The following FSTL5 variants were observed in gnomAD, a reference collection of about 807,000 sequenced individuals.
FSTL5 encodes follistatin like 5.
A neutral mutation model predicts 89.1 loss-of-function variants in FSTL5; 62 were observed. The ratio of observed to expected loss-of-function variants is 0.70; its 90% CI spans 0.57 to 0.86. The LOEUF (loss-of-function observed/expected upper bound fraction) is 0.86, where lower values mean the gene tolerates loss of function less well. Ranked by LOEUF, FSTL5 falls within the 40% of genes least tolerant of loss-of-function variation. The pLI is 0.00. For synonymous variants in FSTL5, 383 were observed against 346.2 expected (o/e 1.11, Z -1.18); for missense variants, 1,057 against 1,001.6 (o/e 1.06, Z -0.75).
intron 4 of FSTL5, among the ~76,000 whole-genome samples, chr4:161,824,655 C>A (rs946349235): frequency 1.3e-5 from 2 of 152,052 alleles, no homozygotes; most frequent in African/African-American, 2.4e-5. Context: ...TTTTCACCTC[C>A]TTGGTTAGGT....
chr4:161,397,918 A>G, intron 15 of FSTL5, among the ~76,000 whole-genome samples: 1 of 152,040 alleles, frequency 6.6e-6, no homozygotes, highest in African/African-American at 2.4e-5. Context: ...ACAATCTTAT[A>G]AATAATTAGA....
chr4:161,593,716 C>T (rs1002163332), intron 7 of FSTL5, among the ~76,000 whole-genome samples: 3 of 152,064 alleles, frequency 2.0e-5, no homozygotes, highest in Non-Finnish European at 4.4e-5. Flanking sequence ...ATCAATCATA[C>T]CACATTTCTA....
intron 4 of FSTL5, among the ~76,000 whole-genome samples, chr4:161,879,840 A>C (rs1275014333): frequency 6.6e-6 from 1 of 152,164 alleles, no homozygotes. Context: ...ACTTACCACT[A>C]TCCAGCATAT....
At chr4:161,584,461 T>C (rs768903056) in intron 8 of FSTL5, among the ~76,000 whole-genome samples, 3 of 152,230 alleles carry the variant, frequency 2.0e-5, no homozygotes, top group South Asian at 4.1e-4. Context: ...TATCTGCTTT[T>C]AATCTTTACT....
chr4:161,476,886 G>T (rs190649663), intron 13 of FSTL5, among the ~76,000 whole-genome samples: 1 of 152,238 alleles, frequency 6.6e-6, no homozygotes, highest in Admixed American at 6.5e-5. Flanking sequence ...TACCCCAAAT[G>T]TAAAGGACAG....
At chr4:161,843,841 C>T (rs894337785) in intron 4 of FSTL5, among the ~76,000 whole-genome samples, 3 of 151,964 alleles carry the variant, frequency 2.0e-5, no homozygotes, top group African/African-American at 7.3e-5. Flanking sequence ...ATAAAAAAAC[C>T]CTAGAAGAAA....
chr4:161,675,707 G>T (rs1193861088), intron 6 of FSTL5, among the ~76,000 whole-genome samples: 1 of 151,806 alleles, frequency 6.6e-6, no homozygotes, highest in Non-Finnish European at 1.5e-5. Context: ...TTACTAAGAA[G>T]TACTTCTGTA....
chr4:162,078,833 C>G (rs760264501), intron 2 of FSTL5, among the ~76,000 whole-genome samples: 1 of 151,698 alleles, frequency 6.6e-6, no homozygotes, highest in Non-Finnish European at 1.5e-5. Flanking sequence ...ATTCTCTGGA[C>G]TAACTCATGG....
At chr4:161,775,026 G>GT (rs1010441718) in intron 5 of FSTL5, among the ~76,000 whole-genome samples, 27 of 152,060 alleles carry the variant, frequency 1.8e-4, no homozygotes, top group Non-Finnish European at 4.4e-5. Flanking sequence ...TTGAGATAAA[G>GT]TTTTTAAATT....
intron 4 of FSTL5, among the ~76,000 whole-genome samples, chr4:161,824,450 C>T (rs1249740739): frequency 1.3e-5 from 2 of 152,012 alleles, no homozygotes; most frequent in Non-Finnish European, 2.9e-5. Context: ...TAATGTGATG[C>T]CTTCAGATTT....
intron 8 of FSTL5, among the ~76,000 whole-genome samples, chr4:161,570,847 G>T (rs1483974082): frequency 1.3e-5 from 2 of 152,132 alleles, no homozygotes; most frequent in African/African-American, 4.8e-5. Context: ...CGGGTGTGGT[G>T]GTTCACACCT....
chr4:162,116,765 G>A (rs1731658778), intron 1 of FSTL5, among the ~76,000 whole-genome samples: 1 of 152,160 alleles, frequency 6.6e-6, no homozygotes, highest in African/African-American at 2.4e-5. Flanking sequence ...TCACACAAGG[G>A]AGACATCGGT....
At chr4:161,690,043 A>G (rs920148608) in intron 6 of FSTL5, among the ~76,000 whole-genome samples, 2 of 152,024 alleles carry the variant, frequency 1.3e-5, no homozygotes, top group African/African-American at 4.8e-5. Context: ...TTTTCCATTT[A>G]TTGATGGGTG....
chr4:161,726,165 T>C (rs1739395929), intron 6 of FSTL5, among the ~76,000 whole-genome samples: 1 of 152,030 alleles, frequency 6.6e-6, no homozygotes, highest in Admixed American at 6.6e-5. Context: ...ATGAAACGTG[T>C]TGATGTGAGG....
At chr4:161,591,248 T>C (rs1334297612) in intron 7 of FSTL5, among the ~76,000 whole-genome samples, 1 of 152,148 alleles carries the variant, frequency 6.6e-6, no homozygotes, top group Non-Finnish European at 1.5e-5. Context: ...ATATGACATG[T>C]CCAGAATGAG....
intron 13 of FSTL5, among the ~76,000 whole-genome samples, chr4:161,473,980 T>C (rs1012173816): frequency 6.6e-6 from 1 of 152,192 alleles, no homozygotes; most frequent in African/African-American, 2.4e-5. Context: ...GGCACTTCCT[T>C]TTGTTATTTT....
At chr4:162,068,478 T>C (rs1415434856) in intron 2 of FSTL5, among the ~76,000 whole-genome samples, 6 of 152,150 alleles carry the variant, frequency 3.9e-5, no homozygotes, top group Non-Finnish European at 7.4e-5. Context: ...TAAATGTTGC[T>C]GTGAGAACTG....
At chr4:161,442,204 C>T (rs773074820) in intron 15 of FSTL5, among the ~76,000 whole-genome samples, 2 of 148,934 alleles carry the variant, frequency 1.3e-5, no homozygotes, top group Non-Finnish European at 3.0e-5. Context: ...CAGTTTGGTG[C>T]CTCCTAATTC....
intron 4 of FSTL5, among the ~76,000 whole-genome samples, chr4:161,826,446 TTC>T (rs1262630084): frequency 6.6e-6 from 1 of 152,182 alleles, no homozygotes; most frequent in Non-Finnish European, 1.5e-5. Context: ...GTTGTTGACT[TTC>T]TGTCTTGATG....
Sources: gnomAD v4.1 joint callset for allele counts (sites outside exome capture counted in the v4.1 genomes callset) on GRCh38, gnomAD v4.1.1 for gene constraint, MANE v1.5 for transcripts, NCBI Gene and HGNC (gene_info 2026-07-23, HGNC 2026-07-21) for gene names.